COL21A1: variants seen among roughly 807,000 people sequenced by gnomAD.
The protein encoded by COL21A1 is collagen type XXI alpha 1 chain, also known as collagen alpha-1(XXI) chain.
Under a neutral mutation model 137.9 loss-of-function variants are expected in COL21A1, and 149 were observed. The observed-to-expected ratio is 1.08, with a 90% CI of 0.95 to 1.24. The LOEUF (loss-of-function observed/expected upper bound fraction) is 1.24. COL21A1 is among the 50% of genes most tolerant of loss of function. COL21A1 has a pLI of 0.00. For missense variants in COL21A1, 1,167 were observed against 1,158.4 expected (o/e 1.01, Z -0.11); for synonymous variants, 456 against 391.5 (o/e 1.16, Z -1.95).
intron 14 of COL21A1, among the ~76,000 whole-genome samples, chr6:56,124,626 TG>T (rs201754475): frequency 2.0e-4 from 20 of 99,674 alleles, no homozygotes; most frequent in South Asian, 3.3e-4. Flanking sequence ...TCAGTGGACA[TG>T]TTTTTTGTTT....
chr6:56,330,649 C>A (rs1765198940), intron 1 of COL21A1, among the ~76,000 whole-genome samples: 1 of 152,030 alleles, frequency 6.6e-6, no homozygotes, highest in African/African-American at 2.4e-5. Context: ...TCATCCCTCG[C>A]CTCTCTCCCA....
At chr6:56,342,483 A>T (rs1006502008) in intron 1 of COL21A1, among the ~76,000 whole-genome samples, 4 of 152,206 alleles carry the variant, frequency 2.6e-5, no homozygotes, top group African/African-American at 9.6e-5. Context: ...GCAGAGGAGG[A>T]CAACTGAATT....
rs910037235 is a variant in COL21A1, at chr6:56,142,737, A to C, written c.1435-754T>G. Among the ~76,000 whole-genome samples, 36 of 152,222 alleles carry C rather than the reference A, an allele frequency of 2.4e-4. 1 individual carries two copies. The highest frequency in any genetic ancestry group is 4.4e-5 in the Non-Finnish European group (3 of 68,034). On this transcript the variant is annotated intron_variant, in intron 10 of 29. Coordinates refer to ENST00000244728, the MANE Select transcript of COL21A1 (RefSeq NM_030820.4). The stretch of plus-strand genomic sequence containing the variant: ...TTAGGGCTGATTGTCAGGTTAATGG[A>C]CCACCTGGCACCTACAAACATAATA...
At position 56,077,580 on chromosome 6, in the gene COL21A1, A is replaced by G; in HGVS notation, c.1813-7T>C. The stretch of plus-strand genomic sequence containing the variant: ...CAGGAAATCCTGGGATTCCCTAAAA[A>G]CAAATAAAATAGATTTTTAACTTAT... On this transcript the variant is annotated splice_polypyrimidine_tract_variant and splice_region_variant and intron_variant, in intron 17 of 29. Transcript: ENST00000244728. 1 of 1,538,616 alleles carries G rather than the reference A, an allele frequency of 6.5e-7. No homozygotes were observed. The highest frequency in any genetic ancestry group is 1.8e-5 in the Admixed American group (1 of 54,646).
chr6:56,374,413 A>C (rs1373175294), intron 1 of COL21A1, among the ~76,000 whole-genome samples: 1 of 152,224 alleles, frequency 6.6e-6, no homozygotes, highest in African/African-American at 2.4e-5. Context: ...TTAAAGTGAA[A>C]GAACCAAGAA....
intron 1 of COL21A1, among the ~76,000 whole-genome samples, chr6:56,282,871 C>T (rs1763813709): frequency 6.6e-6 from 1 of 152,158 alleles, no homozygotes; most frequent in Non-Finnish European, 1.5e-5. Flanking sequence ...TATTGTATGG[C>T]CACTTGAGTT....
rs1771240737 is a variant in COL21A1, at chr6:56,109,626, T to C, written c.1759-8101A>G. ...GTAGGAAATATTCTGCAGTGCTTGA[T>C]TTCAATTGTAAAGTATCAATAAGAA... is the stretch of plus-strand genomic sequence containing the variant. On this transcript the variant is annotated intron_variant, in intron 16 of 29. Transcript: ENST00000244728. Among the ~76,000 whole-genome samples, 3 of 151,984 alleles carry C rather than the reference T, an allele frequency of 2.0e-5. No homozygotes were observed. The South Asian group carries it at 6.2e-4, about 32-fold the overall frequency.
chr6:56,061,211 T>C (rs1765774460), intron 25 of COL21A1, 174 bp from the exon 26 acceptor site: 4 of 601,384 alleles, frequency 6.7e-6, no homozygotes, highest in African/African-American at 5.7e-5. Flanking sequence ...CATGTCATAT[T>C]AAACTGTCAT....
intron 1 of COL21A1, among the ~76,000 whole-genome samples, chr6:56,297,117 T>G (rs1186490485): frequency 2.6e-5 from 4 of 152,038 alleles, no homozygotes; most frequent in Non-Finnish European, 5.9e-5. Flanking sequence ...AGCCCAAACA[T>G]TTTTTAATTT....
intron 1 of COL21A1, among the ~76,000 whole-genome samples, chr6:56,239,096 T>C (rs1049479801): frequency 1.3e-5 from 2 of 152,188 alleles, no homozygotes; most frequent in Admixed American, 6.5e-5. Context: ...TAGCTATTAC[T>C]CTATATGGCC....
Position 56,170,839 on chromosome 6 carries a change from G to A in COL21A1, c.836C>T (p.Pro279Leu). 2 of 1,610,454 alleles carry A rather than the reference G, an allele frequency of 1.2e-6. No homozygotes were observed. The highest frequency in any genetic ancestry group is 1.7e-6 in the Non-Finnish European group (2 of 1,177,878). Residue 279 changes from proline to leucine, a missense_variant, in exon 5 of 30, where the codon CCA becomes CTA. By Grantham distance (98) the Pro-to-Leu change is moderately conservative. Coordinates refer to ENST00000244728, the MANE Select transcript of COL21A1 (RefSeq NM_030820.4). ...TSNVFPEGLP[P>L]SYVFVSTQRF... is the part of the protein sequence containing the mutation. ...TTGAGTAGACACAAATACATATGAT[G>A]GAGGAAGACCTTCTGGGAAAACATT...
At chr6:56,240,056 T>C (rs1198917992) in intron 1 of COL21A1, among the ~76,000 whole-genome samples, 2 of 152,148 alleles carry the variant, frequency 1.3e-5, no homozygotes, top group Non-Finnish European at 2.9e-5. Context: ...CCCCTTCCGC[T>C]TGGCTCTCAT....
In COL21A1 at chr6:56,331,563, A is replaced by G. The variant is rs542494727; in HGVS notation, c.-39+62408T>C. 3.0e-3 allele frequency among the ~76,000 whole-genome samples: 450 copies of G among 151,954 alleles called. 1 individual carries two copies. Among genetic ancestry groups the G allele is most frequent in the African/African-American group, 0.01 (418 of 41,480 alleles). On this transcript the variant is annotated intron_variant, in intron 1 of 28. Transcript: ENST00000370819. ...CTTTCCCCAGTGTATTTTTTTGTCA[A>G]CTTTGCCAAAGATCAGTTGGTTGTA... is the stretch of plus-strand genomic sequence containing the variant.
Position 56,182,656 on chromosome 6 carries a change from C to G in COL21A1, c.-38G>C. The G allele has an allele frequency of 3.6e-6, 5 of 1,371,220 alleles. No individual in the cohort carries two copies. The highest frequency in any genetic ancestry group is 5.1e-6 in the Non-Finnish European group (5 of 984,128). 84.9% of individuals were successfully genotyped at this position (1,371,220 alleles called of 1,614,324 possible). ...GTTCTAATATTTTGGTTTTAGGATT[C>G]CTAGGGGGAAAAAAAAGGCAAGTTA... On this transcript the variant is annotated splice_region_variant and 5_prime_UTR_variant, in exon 2 of 30. Coordinates refer to ENST00000244728, the MANE Select transcript of COL21A1 (RefSeq NM_030820.4).
intron 16 of COL21A1, among the ~76,000 whole-genome samples, chr6:56,115,893 T>G (rs530940724): frequency 6.6e-6 from 1 of 152,008 alleles, no homozygotes; most frequent in Admixed American, 6.5e-5. Flanking sequence ...TACTGAACAA[T>G]GTATCAGAGT....
At chr6:56,124,646 G>GTTTGT (rs1554140112) in intron 14 of COL21A1, among the ~76,000 whole-genome samples, 1 of 151,900 alleles carries the variant, frequency 6.6e-6, no homozygotes, top group African/African-American at 2.4e-5. Context: ...TTGTTTGTTT[G>GTTTGT]TTTGTTTGTT....
intron 16 of COL21A1, among the ~76,000 whole-genome samples, chr6:56,110,712 CAA>C (rs1474293197): frequency 4.6e-5 from 7 of 151,818 alleles, no homozygotes; most frequent in Admixed American, 1.3e-4. Context: ...AAAAATTTTT[CAA>C]AGTCTATTTA....
At chr6:56,249,035 A>G (rs1331245481), upstream of COL21A1, among the ~76,000 whole-genome samples, 2 of 152,236 alleles carry the variant, frequency 1.3e-5, no homozygotes, top group African/African-American at 4.8e-5. Context: ...CTTACAACTC[A>G]AGAGTAAAAA....
rs1433433050 is a variant in COL21A1, at chr6:56,069,099, C to A, written c.2038G>T (p.Gly680Cys). The A allele has an allele frequency of 3.1e-6, 5 of 1,599,666 alleles. No homozygotes were observed. The South Asian group carries it at 3.4e-5, about 11-fold the overall frequency. ...ATGTATCCTGGTTCTCCTGGGGAAC[C>A]CGTTGCTCCTGGTTCTCCCTATGTA... is the stretch of plus-strand genomic sequence containing the variant. ...SGLKGEPGAT[G>C]SPGEPGYMGL... The change falls in exon 22 of 30, where the codon GGT becomes TGT. Residue 680 changes from glycine (G) to cysteine (C), a missense_variant. Transcript: ENST00000244728.
Sources: gnomAD v4.1 joint callset for allele counts (sites outside exome capture counted in the v4.1 genomes callset) on GRCh38, gnomAD v4.1.1 for gene constraint, MANE v1.5 for transcripts, NCBI Gene and HGNC (gene_info 2026-07-23, HGNC 2026-07-21) for gene names.